KAT6B: variants seen among roughly 807,000 people sequenced by gnomAD.
The protein encoded by KAT6B is histone acetyltransferase KAT6B.
A neutral mutation model predicts 187.5 loss-of-function variants in KAT6B; 10 were observed. The ratio of observed to expected loss-of-function variants is 0.05; its 90% CI spans 0.03 to 0.09. The LOEUF is 0.09. KAT6B is among the 10% of genes least tolerant of loss of function. The pLI is 1.00. For synonymous variants in KAT6B, 861 were observed against 926.8 expected (o/e 0.93, Z 1.29); for missense variants, 1,952 against 2,558.9 (o/e 0.76, Z 5.12).
intron 3 of KAT6B, among the ~76,000 whole-genome samples, chr10:74,901,941 A>G (rs1846429131): frequency 6.6e-6 from 1 of 152,132 alleles, no homozygotes; most frequent in Non-Finnish European, 1.5e-5. Context: ...AGAGCTGGAA[A>G]CTTGTCAGAA....
In KAT6B at chr10:74,944,293, C is replaced by T. The variant is rs181318813; in HGVS notation, c.622-15677C>T. On this transcript the variant is annotated intron_variant, in intron 3 of 17. Coordinates refer to ENST00000287239, the MANE Select transcript of KAT6B (RefSeq NM_012330.4). ...CATGCTAGGAAGGATATATCTTGGC[C>T]AGTGTGATTCTCTGCAGCTTGAGGC... 5.9e-5 allele frequency among the ~76,000 whole-genome samples: 9 copies of T among 152,270 alleles called. No individual in the cohort carries two copies. The East Asian group carries it at 1.7e-3, about 29-fold the overall frequency.
intron 6 of KAT6B, among the ~76,000 whole-genome samples, chr10:74,971,690 G>GA (rs2133679858): frequency 6.6e-6 from 1 of 151,998 alleles, no homozygotes; most frequent in Non-Finnish European, 1.5e-5. Flanking sequence ...TCATATTCAT[G>GA]AATCTTTTTA....
chr10:74,979,466 C>G, intron 10 of KAT6B, 127 bp downstream of exon 10: 1 of 724,078 alleles, frequency 1.4e-6, no homozygotes, highest in African/African-American at 1.7e-5. Context: ...ATGCCAAGTG[C>G]TTCCCAAACT....
intron 3 of KAT6B, among the ~76,000 whole-genome samples, chr10:74,894,167 C>T (rs1358983008): frequency 2.6e-5 from 4 of 151,964 alleles, no homozygotes; most frequent in Non-Finnish European, 5.9e-5. Context: ...GCTGCAACTT[C>T]GCTTGCCGGG....
intron 3 of KAT6B, among the ~76,000 whole-genome samples, chr10:74,867,184 CTATTT>C (rs1305417118): frequency 2.0e-5 from 3 of 152,096 alleles, no homozygotes; most frequent in Non-Finnish European, 4.4e-5. Context: ...TATACTTATT[CTATTT>C]TATGATATGC....
intron 3 of KAT6B, among the ~76,000 whole-genome samples, chr10:74,944,650 A>T (rs1197518202): frequency 6.6e-6 from 1 of 152,064 alleles, no homozygotes; most frequent in African/African-American, 2.4e-5. Context: ...TCTACTAAAT[A>T]TACAAAAAAT....
intron 1 of KAT6B, chr10:74,827,019 G>T (rs1840308450): frequency 3.2e-5 from 1 of 31,208 alleles, no homozygotes; most frequent in Non-Finnish European, 7.7e-5. Flanking sequence ...GGCGGGGCTC[G>T]AGGGCGGAGG....
chr10:74,880,855 A>G (rs367556354), intron 3 of KAT6B, among the ~76,000 whole-genome samples: 1,597 of 151,938 alleles, frequency 0.011, 36 homozygotes, highest in African/African-American at 0.036. Flanking sequence ...GGCTCAAGCA[A>G]TCCTCCTGCC....
chr10:74,905,842 C>T (rs904835816), intron 3 of KAT6B, among the ~76,000 whole-genome samples: 1 of 152,136 alleles, frequency 6.6e-6, no homozygotes, highest in Non-Finnish European at 1.5e-5. Flanking sequence ...CTCCCTATTG[C>T]CTGCACTCTG....
At chr10:74,976,949 A>G in intron 8 of KAT6B, 1 of 283,744 alleles carries the variant, frequency 3.5e-6, no homozygotes, top group Non-Finnish European at 6.8e-6. Context: ...AAACTGTGTC[A>G]TTTGGACAAA....
At chr10:74,983,303 A>T (rs1842628398) in intron 11 of KAT6B, 1 of 152,956 alleles carries the variant, frequency 6.5e-6, no homozygotes, top group African/African-American at 2.4e-5. Context: ...AGTTGTGCCA[A>T]CCAAAAATGT....
chr10:74,913,540 C>T (rs950664258), intron 3 of KAT6B, among the ~76,000 whole-genome samples: 1 of 152,188 alleles, frequency 6.6e-6, no homozygotes, highest in African/African-American at 2.4e-5. Context: ...TGAAACTTCA[C>T]ATAAAGGGGG....
At position 75,028,994 on chromosome 10, in the gene KAT6B, A is replaced by G. The variant is rs748058655; in HGVS notation, c.4170A>G (p.Lys1390=). Residue 1390 remains lysine (K), a synonymous_variant, in exon 18 of 18, where the codon AAA becomes AAG. Coordinates refer to ENST00000287239, the MANE Select transcript of KAT6B (RefSeq NM_012330.4). ...KDPDGAKSQE[K]EEPEISTEKE... ...CAGATGGTGCTAAAAGCCAAGAAAA[A>G]GAGGAACCAGAAATCTCCACGGAAA... The G allele has an allele frequency of 7.4e-6, 12 of 1,613,970 alleles. No homozygotes were observed. The highest frequency in any genetic ancestry group is 1.6e-4 in the Middle Eastern group (1 of 6,084).
chr10:74,826,817 G>A (rs1393245847), intron 1 of KAT6B, 32 bp downstream of exon 1: 3 of 151,710 alleles, frequency 2.0e-5, no homozygotes, highest in Admixed American at 2.0e-4. Context: ...TTCCCAGGGG[G>A]AGGAGACTGG....
chr10:75,008,619 T>G (rs1844384552), intron 13 of KAT6B, among the ~76,000 whole-genome samples: 1 of 152,202 alleles, frequency 6.6e-6, no homozygotes. Flanking sequence ...CAGAAGATGC[T>G]CTGAAGACAG....
At chr10:74,911,590 C>T (rs1663931664) in intron 3 of KAT6B, among the ~76,000 whole-genome samples, 1 of 152,064 alleles carries the variant, frequency 6.6e-6, no homozygotes, top group African/African-American at 2.4e-5. Context: ...TCTGTTTTTA[C>T]AATTCCATGC....
At chr10:74,842,201 A>AT (rs1176333911) in intron 2 of KAT6B, among the ~76,000 whole-genome samples, 1 of 152,140 alleles carries the variant, frequency 6.6e-6, no homozygotes, top group Non-Finnish European at 1.5e-5. Flanking sequence ...TAAGTTTAAG[A>AT]TTTTTTGAAA....
intron 3 of KAT6B, among the ~76,000 whole-genome samples, chr10:74,857,015 A>G (rs1842867998): frequency 6.6e-6 from 1 of 152,184 alleles, no homozygotes; most frequent in African/African-American, 2.4e-5. Flanking sequence ...TGCTTAGTTT[A>G]TCAGTTGGTT....
At position 75,022,107 on chromosome 10, in the gene KAT6B, A is replaced by G; in HGVS notation, c.3248A>G (p.Glu1083Gly). The G allele has an allele frequency of 6.2e-7, 1 of 1,610,502 alleles. No homozygotes were observed. The highest frequency in any genetic ancestry group is 8.5e-7 in the Non-Finnish European group (1 of 1,178,142). The change falls in exon 16 of 18, where the codon GAG becomes GGG. Residue 1083 changes from glutamate (E) to glycine (G), a missense_variant. Around this residue, in one of 9 missense-constraint regions of KAT6B, gnomAD observed 758 missense variants for 891.4 expected, o/e 0.85. Coordinates refer to ENST00000287239, the MANE Select transcript of KAT6B (RefSeq NM_012330.4). ...EEEEDEEEEE[E>G]EEEEEEDEEE... ...GAGGAGGACGAGGAGGAGGAAGAAG[A>G]GGAGGAAGAAGAGGAAGAGGATGAA... is the stretch of plus-strand genomic sequence containing the variant.
Sources: gnomAD v4.1 joint callset for allele counts (sites outside exome capture counted in the v4.1 genomes callset) on GRCh38, gnomAD v4.1.1 for gene constraint, gnomAD v4.1.1 regional missense constraint, MANE v1.5 for transcripts, NCBI Gene and HGNC (gene_info 2026-07-23, HGNC 2026-07-21) for gene names.